SLC1A6: variants seen among roughly 807,000 people sequenced by gnomAD.
SLC1A6 encodes solute carrier family 1 member 6, also known as excitatory amino acid transporter 4.
Under a neutral mutation model 42.1 loss-of-function variants are expected in SLC1A6, and 15 were observed. The observed-to-expected ratio is 0.36, with a 90% CI of 0.24 to 0.55. The LOEUF is 0.55. Ranked by LOEUF, SLC1A6 falls within the 20% of genes least tolerant of loss-of-function variation. SLC1A6 has a pLI of 0.88. For missense variants in SLC1A6, 542 were observed against 772.5 expected, an observed-to-expected ratio of 0.70 and a Z score of 3.54; for synonymous variants, 317 against 319.7, an observed-to-expected ratio of 0.99 and a Z score of 0.09.
chr19:14,978,791 C>T (rs552781323), intron 1 of SLC1A6, among the ~76,000 whole-genome samples: 14 of 152,202 alleles, frequency 9.2e-5, no homozygotes, highest in African/African-American at 1.2e-4. Context: ...CACACATACA[C>T]ATTCATGTAC....
At chr19:14,977,757 G>A (rs1314034788) in intron 1 of SLC1A6, 1 of 152,110 alleles carries the variant, frequency 6.6e-6, no homozygotes, top group African/African-American at 2.4e-5. Flanking sequence ...CTCCAACTTG[G>A]GTGACAGCGT....
Position 14,972,770 on chromosome 19 carries a change from C to T in SLC1A6, c.141G>A (p.Glu47=), listed in dbSNP as rs1183745915. 2 of 1,613,990 alleles carry T rather than the reference C, an allele frequency of 1.2e-6. No homozygotes were observed. The stretch of plus-strand genomic sequence containing the variant: ...TTCGGCGCAGGAAGCGCAGCACGTG[C>T]TCGAGGGTCATGGTCTGCAGGCGCA... ...TRLRLQTMTL[E]HVLRFLRRNA... is the part of the protein sequence containing the mutation. The change falls in exon 2 of 10, where the codon GAG becomes GAA. Residue 47 remains glutamate, a synonymous_variant. Coordinates refer to ENST00000594383, the MANE Select transcript of SLC1A6 (RefSeq NM_005071.3).
At chr19:14,956,350 C>T (rs1252208429) in intron 7 of SLC1A6, 126 bp downstream of exon 7, 4 of 610,154 alleles carry the variant, frequency 6.6e-6, no homozygotes, top group Non-Finnish European at 1.2e-5. Flanking sequence ...CATTATGAGC[C>T]CTGGACATTG....
chr19:14,982,390 A>G (rs1267990139), upstream of SLC1A6, among the ~76,000 whole-genome samples: 1 of 151,856 alleles, frequency 6.6e-6, no homozygotes, highest in Admixed American at 6.6e-5. Flanking sequence ...TTAGCCAGGC[A>G]TGGTGGCGGG....
At chr19:14,993,151 G>A (rs897505273) in intron 1 of SLC1A6, among the ~76,000 whole-genome samples, 1 of 152,160 alleles carries the variant, frequency 6.6e-6, no homozygotes, top group Non-Finnish European at 1.5e-5. Context: ...AGGTAAAAAA[G>A]GGAAAGTCAG....
intron 4 of SLC1A6, among the ~76,000 whole-genome samples, chr19:14,965,772 C>A (rs933775908): frequency 6.6e-6 from 1 of 151,542 alleles, no homozygotes; most frequent in Non-Finnish European, 1.5e-5. Context: ...ATCGCTTGAA[C>A]CCGAAAGGCA....
intron 5 of SLC1A6, chr19:14,963,982 AT>A (rs1325276750): frequency 2.0e-4 from 32 of 160,902 alleles, no homozygotes; most frequent in East Asian, 6.7e-4. Context: ...TGTCCAGCTA[AT>A]TTTTTTTTAA....
intron 1 of SLC1A6, among the ~76,000 whole-genome samples, chr19:14,978,511 CCACACA>C (rs536143167): frequency 1.3e-3 from 197 of 152,054 alleles, no homozygotes; most frequent in Non-Finnish European, 1.9e-3. Context: ...AGACATGCAA[CCACACA>C]CACACCCACA....
intron 9 of SLC1A6, among the ~76,000 whole-genome samples, chr19:14,951,619 C>T (rs573733060): frequency 6.4e-4 from 97 of 151,496 alleles, no homozygotes; most frequent in African/African-American, 2.2e-3. Flanking sequence ...CAGGTTCAAG[C>T]GATTCTCCTG....
At chr19:14,984,816 G>A (rs1365426496), upstream of SLC1A6, among the ~76,000 whole-genome samples, 2 of 152,224 alleles carry the variant, frequency 1.3e-5, no homozygotes, top group African/African-American at 4.8e-5. Flanking sequence ...GTTTTAAAGT[G>A]TTGGGAAGTT....
chr19:14,960,231 TGAAGA>T (rs761945924), intron 6 of SLC1A6, among the ~76,000 whole-genome samples: 10 of 152,156 alleles, frequency 6.6e-5, no homozygotes, highest in Non-Finnish European at 1.2e-4. Context: ...AATGAGTGAA[TGAAGA>T]GAATACTTGA....
chr19:14,957,290 A>C (rs2045471890), intron 6 of SLC1A6, among the ~76,000 whole-genome samples: 1 of 152,212 alleles, frequency 6.6e-6, no homozygotes, highest in Admixed American at 6.5e-5. Context: ...AGTACCAGGC[A>C]CATGGCTCTC....
chr19:15,008,845 T>A (rs62114972), intron 1 of SLC1A6, among the ~76,000 whole-genome samples: 3 of 19,660 alleles, frequency 1.5e-4, no homozygotes, highest in East Asian at 2.5e-3. Context: ...ATAATTCGCG[T>A]TTTTTTTTTT....
chr19:14,957,617 T>G (rs1218940733), intron 6 of SLC1A6, among the ~76,000 whole-genome samples: 14 of 152,204 alleles, frequency 9.2e-5, no homozygotes, highest in Admixed American at 3.3e-4. Context: ...CGAAATACAT[T>G]TTTGTTCTTT....
rs772118056 is a variant in SLC1A6, at chr19:14,971,718, C to A, written c.343+19G>T. ...TCTAGACGGGTCTTGGAGGCCAACACTGGCCTGGGCTCTCTCACCTGTGAC... is the reference window on the plus strand; with the variant it reads ...TCTAGACGGGTCTTGGAGGCCAACAATGGCCTGGGCTCTCTCACCTGTGAC... On this transcript the variant is annotated intron_variant, in intron 3 of 9. Coordinates refer to ENST00000594383, the MANE Select transcript of SLC1A6 (RefSeq NM_005071.3). 1.2e-5 allele frequency: 19 copies of A among 1,613,024 alleles called. No homozygotes were observed. Among genetic ancestry groups the A allele is most frequent in the Middle Eastern group, 1.7e-4 (1 of 5,750 alleles).
At position 14,968,294 on chromosome 19, in the gene SLC1A6, T is replaced by G. The variant is rs369498295; in HGVS notation, c.548+9A>C. 1.2e-6 allele frequency: 2 copies of G among 1,603,762 alleles called. No homozygotes were observed. Among genetic ancestry groups the G allele is most frequent in the South Asian group, 1.1e-5 (1 of 89,910 alleles). On this transcript the variant is annotated intron_variant, in intron 4 of 9. Transcript: ENST00000594383. ...AATGTGTATATTGTGGTTTTTTAGG[T>G]TGGCACACCTGATCAGGTCCATGAA...
At chr19:14,971,653 C>A in intron 3 of SLC1A6, 84 bp downstream of exon 3, 1 of 1,379,636 alleles carries the variant, frequency 7.2e-7, no homozygotes, top group South Asian at 1.3e-5. Flanking sequence ...GAAGTGGTCC[C>A]ATGCTTGGGA....
chr19:14,984,253 G>A (rs1180872303), upstream of SLC1A6, among the ~76,000 whole-genome samples: 4 of 152,082 alleles, frequency 2.6e-5, no homozygotes, highest in Non-Finnish European at 5.9e-5. Flanking sequence ...AAGTTGCAGT[G>A]AGCTGACATC....
rs548674158 is a variant in SLC1A6, at chr19:14,979,196, A to C, written c.-8+113T>G. On this transcript the variant is annotated intron_variant, in intron 1 of 9. Coordinates refer to ENST00000594383, the MANE Select transcript of SLC1A6 (RefSeq NM_005071.3). This position sits in a 1 kb window ranked among gnomAD's most constrained non-coding sequence, Gnocchi z 4.2. ...GAAGGCAACCGAGCCCTATAAATGC[A>C]CAAGGCATCGGGCTCGGTGCTGGAA... 1.3e-5 allele frequency: 2 copies of C among 152,412 alleles called. No individual in the cohort carries two copies. Among genetic ancestry groups the C allele is most frequent in the South Asian group, 2.1e-4 (1 of 4,834 alleles). The allele number at this position is 152,412 out of a possible 1,614,324, so 9.4% of individuals were successfully genotyped here.
Sources: allele counts gnomAD v4.1 joint callset (sites outside exome capture counted in the v4.1 genomes callset), GRCh38; gene constraint gnomAD v4.1.1; non-coding constraint Gnocchi (gnomAD v3.1); transcripts MANE v1.5; gene names NCBI Gene and HGNC (gene_info 2026-07-23, HGNC 2026-07-21).